The following ZNF736 variants were observed in gnomAD, a reference collection of about 807,000 sequenced individuals.
ZNF736 encodes zinc finger protein 736.
In ZNF736, 6 loss-of-function variants were observed where a neutral mutation model predicts 11.7. That is an observed-to-expected ratio of 0.51 (90% confidence interval 0.28 to 1.01). ZNF736 has a LOEUF of 1.01. Ranked by LOEUF, ZNF736 falls within the 50% of genes least tolerant of loss-of-function variation. The pLI, the probability that ZNF736 is intolerant of heterozygous loss-of-function variation, is 0.09. For missense variants in ZNF736, 444 were observed against 496.0 expected (o/e 0.90, Z 1.00); for synonymous variants, 139 against 164.7 (o/e 0.84, Z 1.19).
intron 3 of ZNF736, chr7:64,337,214 T>G: frequency 1.9e-4 from 69 of 355,904 alleles, no homozygotes; most frequent in Middle Eastern, 7.1e-4. Flanking sequence ...TGTGTGTGTG[T>G]TTTGTTTTGT....
intron 3 of ZNF736, among the ~76,000 whole-genome samples, chr7:64,337,858 G>A (rs1408272388): frequency 6.7e-6 from 1 of 149,970 alleles, no homozygotes; most frequent in African/African-American, 2.5e-5. Flanking sequence ...AGGTTCAAGC[G>A]ATTCTTCTGC....
At position 64,356,122 on chromosome 7, in the gene ZNF736, A is replaced by G. The variant is rs908067824; in HGVS notation, c.*6975A>G. 3 of 152,418 alleles carry G rather than the reference A, an allele frequency of 2.0e-5. No homozygotes were observed. The highest frequency in any genetic ancestry group is 4.4e-5 in the Non-Finnish European group (3 of 68,068). The allele number at this position is 152,418 out of a possible 1,614,324, so 9.4% of individuals were successfully genotyped here. ...CTGTATATTTTAATGATCTTTCACA[A>G]GAGCTGTTTGGCCTTATTTCTATGC... On this transcript the variant is annotated 3_prime_UTR_variant, in exon 4 of 4. Coordinates refer to ENST00000423484, the MANE Select transcript of ZNF736 (RefSeq NM_001170905.3).
intron 1 of ZNF736, 136 bp downstream of exon 1, chr7:64,314,289 C>G (rs946108786): frequency 3.4e-5 from 39 of 1,147,948 alleles, no homozygotes; most frequent in Non-Finnish European, 4.4e-5. Context: ...GGGCACAGCT[C>G]AATCCTCATT....
chr7:64,325,644 TAAAA>T (rs1241726872), intron 1 of ZNF736, among the ~76,000 whole-genome samples: 1 of 152,208 alleles, frequency 6.6e-6, no homozygotes, highest in African/African-American at 2.4e-5. Flanking sequence ...AACTTGAAGA[TAAAA>T]AAAGACATTT....
At chr7:64,346,475 AC>A (rs199567711) in intron 3 of ZNF736, among the ~76,000 whole-genome samples, 27,492 of 71,570 alleles carry the variant, frequency 0.38, 2,795 homozygotes, top group Non-Finnish European at 0.42. Context: ...TCTTGCTTAG[AC>A]TTTTTTTTTT....
chr7:64,332,736 C>T (rs532372943), intron 1 of ZNF736, among the ~76,000 whole-genome samples: 7 of 152,090 alleles, frequency 4.6e-5, no homozygotes, highest in Non-Finnish European at 7.3e-5. Context: ...GACCTCCCCC[C>T]AGGAGTGCAT....
At chr7:64,319,302 T>G (rs1788960823) in intron 1 of ZNF736, among the ~76,000 whole-genome samples, 1 of 139,294 alleles carries the variant, frequency 7.2e-6, no homozygotes, top group African/African-American at 2.7e-5. Flanking sequence ...TGTATGTGTG[T>G]GTGTGTATAT....
At chr7:64,319,333 G>GTATGTATATATATA (rs1788965551) in intron 1 of ZNF736, among the ~76,000 whole-genome samples, 3 of 71,638 alleles carry the variant, frequency 4.2e-5, no homozygotes, top group Admixed American at 1.7e-4. Context: ...GTGTGTATGT[G>GTATGTATATATATA]TATATATATA....
chr7:64,316,165 C>A (rs1382525952), intron 1 of ZNF736, among the ~76,000 whole-genome samples: 1 of 152,186 alleles, frequency 6.6e-6, no homozygotes, highest in Non-Finnish European at 1.5e-5. Flanking sequence ...AAACATTAGC[C>A]CCTGGGTCAT....
At chr7:64,328,330 C>G (rs529596904) in intron 1 of ZNF736, among the ~76,000 whole-genome samples, 1 of 151,352 alleles carries the variant, frequency 6.6e-6, no homozygotes, top group African/African-American at 2.4e-5. Context: ...TGTAAGATTT[C>G]CATCTCCTGG....
chr7:64,349,543 G>T lies in ZNF736; in HGVS notation c.*396G>T. ...AGCTTGCCATCTGTGCTTTAATTTGGGTATTTAGCCCATTTACATTTAAGG... is the reference window on the plus strand; with the variant it reads ...AGCTTGCCATCTGTGCTTTAATTTGTGTATTTAGCCCATTTACATTTAAGG... On this transcript the variant is annotated 3_prime_UTR_variant, in exon 4 of 4. Transcript: ENST00000423484. 1 of 163,644 alleles carries T rather than the reference G, an allele frequency of 6.1e-6. No individual in the cohort carries two copies. The highest frequency in any genetic ancestry group is 5.9e-5 in the Admixed American group (1 of 17,080). 10.1% of individuals were successfully genotyped at this position (163,644 alleles called of 1,614,324 possible). A position where few individuals can be genotyped will look rare whatever the true frequency, so the allele number is the denominator to read the frequency against.
chr7:64,320,788 G>A (rs1056236670), intron 1 of ZNF736, among the ~76,000 whole-genome samples: 3 of 152,126 alleles, frequency 2.0e-5, no homozygotes, highest in African/African-American at 4.8e-5. Context: ...CAGAAAGAAG[G>A]CCTTTCATTA....
rs2086168 is a variant in ZNF736, at chr7:64,336,878, A to C, written c.131-9A>C. ...AGCAAGAGTCATGTTTTTTTTTCTAATAAAACAGGTCTTGCTATCTTTAAG... is the reference window on the plus strand; with the variant it reads ...AGCAAGAGTCATGTTTTTTTTTCTACTAAAACAGGTCTTGCTATCTTTAAG... On this transcript the variant is annotated splice_polypyrimidine_tract_variant and intron_variant, in intron 2 of 3. Transcript: ENST00000423484. 315,051 of 1,572,696 alleles carry C rather than the reference A, an allele frequency of 0.2. 32,703 individuals carry two copies. Among genetic ancestry groups the C allele is most frequent in the Non-Finnish European group, 0.21 (245,049 of 1,157,844 alleles).
intron 1 of ZNF736, among the ~76,000 whole-genome samples, chr7:64,331,730 G>C (rs1002532447): frequency 6.6e-6 from 1 of 152,160 alleles, no homozygotes; most frequent in Admixed American, 6.6e-5. Flanking sequence ...ACATTCACGA[G>C]AGGTGAGTTT....
intron 3 of ZNF736, among the ~76,000 whole-genome samples, chr7:64,344,384 G>A (rs997277956): frequency 2.0e-5 from 3 of 152,120 alleles, no homozygotes; most frequent in African/African-American, 7.2e-5. Context: ...GACATTTTTA[G>A]CAACATATCT....
At chr7:64,323,737 A>T (rs1388578053) in intron 1 of ZNF736, among the ~76,000 whole-genome samples, 2 of 151,992 alleles carry the variant, frequency 1.3e-5, no homozygotes, top group African/African-American at 4.8e-5. Flanking sequence ...GGGGCCTGTC[A>T]GGGGGCGGGG....
At chr7:64,344,652 TC>T (rs1477394638) in intron 3 of ZNF736, among the ~76,000 whole-genome samples, 1 of 152,192 alleles carries the variant, frequency 6.6e-6, no homozygotes, top group Non-Finnish European at 1.5e-5. Context: ...TGATTAATAT[TC>T]CCTTTTTTAT....
In ZNF736 at chr7:64,348,562, A is replaced by T; in HGVS notation, c.699A>T (p.Gly233=). ...GAGAGAAACCTTACAAATGTGAAGG[A>T]TGTGGCAAAACTTTTACCTGCTCCT... ...HTGEKPYKCE[G]CGKTFTCSST... is the part of the protein sequence containing the mutation. The change falls in exon 4 of 4, where the codon GGA becomes GGT. Residue 233 remains glycine (G), a synonymous_variant. Coordinates refer to ENST00000423484, the MANE Select transcript of ZNF736 (RefSeq NM_001170905.3). 6.3e-7 allele frequency: 1 copy of T among 1,588,630 alleles called. No homozygotes were observed. Among genetic ancestry groups the T allele is most frequent in the Admixed American group, 1.8e-5 (1 of 55,938 alleles).
At chr7:64,335,993 A>G (rs1789243482) in intron 1 of ZNF736, among the ~76,000 whole-genome samples, 1 of 152,270 alleles carries the variant, frequency 6.6e-6, no homozygotes, top group Non-Finnish European at 1.5e-5. Context: ...TGTAGCATTA[A>G]GAAATGTACA....
Sources: gnomAD v4.1 joint callset for allele counts (sites outside exome capture counted in the v4.1 genomes callset) on GRCh38, gnomAD v4.1.1 for gene constraint, MANE v1.5 for transcripts, NCBI Gene and HGNC (gene_info 2026-07-23, HGNC 2026-07-21) for gene names.